Variants in MGAT4C observed in about 807,000 individuals in gnomAD.
The protein encoded by MGAT4C is MGAT4 family member C, also known as alpha-1,3-mannosyl-glycoprotein 4-beta-N-acetylglucosaminyltransferase C.
Under a neutral mutation model 40.1 loss-of-function variants are expected in MGAT4C, and 19 were observed. The ratio of observed to expected loss-of-function variants is 0.47; its 90% CI spans 0.33 to 0.70. MGAT4C has a LOEUF of 0.70. Ranked by LOEUF, MGAT4C falls within the 30% of genes least tolerant of loss-of-function variation. MGAT4C has a pLI of 0.02. For missense variants in MGAT4C, 491 were observed against 563.2 expected (o/e 0.87, Z 1.30); for synonymous variants, 181 against 187.1 (o/e 0.97, Z 0.27).
Position 86,738,173 on chromosome 12 carries a change from T to C in MGAT4C, c.-261-10932A>G, listed in dbSNP as rs563375831. 1.1e-3 allele frequency among the ~76,000 whole-genome samples: 171 copies of C among 151,610 alleles called. 1 individual carries two copies. The highest frequency in any genetic ancestry group is 4.0e-3 in the African/African-American group (166 of 41,502). Reference sequence around the variant, plus strand: ...TACTCCGCCTTTATAATTTCAAAACTGCATTAAGGTCACACACCACCTGAA... The same window carrying C: ...TACTCCGCCTTTATAATTTCAAAACCGCATTAAGGTCACACACCACCTGAA... On this transcript the variant is annotated intron_variant, in intron 1 of 7. Coordinates refer to the MGAT4C transcript ENST00000548651.
At chr12:86,230,341 T>TAC in intron 1 of MGAT4C, among the ~76,000 whole-genome samples, 1 of 152,264 alleles carries the variant, frequency 6.6e-6, no homozygotes, top group Non-Finnish European at 1.5e-5. Flanking sequence ...TGAACAGCCC[T>TAC]ACACTCTATA....
chr12:86,205,702 A>G (rs1186427274), intron 1 of MGAT4C, among the ~76,000 whole-genome samples: 2 of 151,998 alleles, frequency 1.3e-5, no homozygotes, highest in African/African-American at 2.4e-5. Context: ...TGTGTACTTT[A>G]CCTAATTTAT....
At chr12:86,155,179 T>C (rs73177211) in intron 1 of MGAT4C, among the ~76,000 whole-genome samples, 2,149 of 152,308 alleles carry the variant, frequency 0.014, 29 homozygotes, top group South Asian at 0.025. Context: ...AATATCAATG[T>C]GGCTGTAGTA....
At chr12:86,226,159 A>C (rs115961953) in intron 1 of MGAT4C, among the ~76,000 whole-genome samples, 3,213 of 152,014 alleles carry the variant, frequency 0.021, 95 homozygotes, top group African/African-American at 0.073. Context: ...AAAGAAAAGA[A>C]GTATATGCGC....
At chr12:86,124,362 G>A (rs1879915874) in intron 1 of MGAT4C, among the ~76,000 whole-genome samples, 1 of 152,106 alleles carries the variant, frequency 6.6e-6, no homozygotes, top group African/African-American at 2.4e-5. Flanking sequence ...GTGCAGAACA[G>A]AACAAGAAAA....
At chr12:86,639,357 T>A (rs1223794835) in intron 2 of MGAT4C, among the ~76,000 whole-genome samples, 1 of 151,754 alleles carries the variant, frequency 6.6e-6, no homozygotes, top group Non-Finnish European at 1.5e-5. Context: ...AAGTAGTCTA[T>A]CAATAAGAGA....
chr12:86,619,772 C>A (rs1234055811), intron 2 of MGAT4C, among the ~76,000 whole-genome samples: 1 of 151,964 alleles, frequency 6.6e-6, no homozygotes, highest in Admixed American at 6.6e-5. Context: ...AATAAAACAT[C>A]AACATTATAG....
intron 1 of MGAT4C, among the ~76,000 whole-genome samples, chr12:86,234,933 C>T (rs1369222268): frequency 1.3e-5 from 2 of 151,998 alleles, no homozygotes; most frequent in Non-Finnish European, 2.9e-5. Flanking sequence ...TGTTTAAATT[C>T]TTATTACGTC....
At chr12:86,785,979 C>T (rs933711115) in intron 1 of MGAT4C, among the ~76,000 whole-genome samples, 1 of 151,916 alleles carries the variant, frequency 6.6e-6, no homozygotes. Flanking sequence ...CAAAAATTCC[C>T]CAAATGTGAC....
chr12:85,989,606 C>A, intron 2 of MGAT4C, 54 bp from the exon 3 acceptor site: 1 of 1,472,004 alleles, frequency 6.8e-7, no homozygotes, highest in South Asian at 1.3e-5. Flanking sequence ...GCAAATATTT[C>A]TTTATCGCAT....
At chr12:86,553,726 A>G (rs1959473902) in intron 2 of MGAT4C, among the ~76,000 whole-genome samples, 1 of 152,208 alleles carries the variant, frequency 6.6e-6, no homozygotes, top group South Asian at 2.1e-4. Context: ...ATACAGTGAC[A>G]TAAAGCTAGC....
intron 2 of MGAT4C, among the ~76,000 whole-genome samples, chr12:86,538,623 T>G (rs1021942038): frequency 6.6e-6 from 1 of 151,458 alleles, no homozygotes; most frequent in Non-Finnish European, 1.5e-5. Context: ...TTTTTTTTTT[T>G]TGAGACAAGA....
intron 1 of MGAT4C, among the ~76,000 whole-genome samples, chr12:86,835,969 T>A (rs1178699207): frequency 6.6e-6 from 1 of 151,986 alleles, no homozygotes; most frequent in Non-Finnish European, 1.5e-5. Context: ...ATGTACCATT[T>A]ATTGAGCATA....
At chr12:86,477,453 C>T (rs1265524965) in intron 2 of MGAT4C, among the ~76,000 whole-genome samples, 1 of 151,904 alleles carries the variant, frequency 6.6e-6, no homozygotes, top group African/African-American at 2.4e-5. Flanking sequence ...GAAAAGCTAC[C>T]TACTGGGTGA....
At chr12:86,598,171 C>G (rs535715178) in intron 2 of MGAT4C, among the ~76,000 whole-genome samples, 9 of 152,022 alleles carry the variant, frequency 5.9e-5, no homozygotes, top group Admixed American at 4.6e-4. Context: ...TATACATGTT[C>G]GTAGAAAACT....
At chr12:86,599,327 CATT>C (rs1264880305) in intron 2 of MGAT4C, among the ~76,000 whole-genome samples, 3 of 152,096 alleles carry the variant, frequency 2.0e-5, no homozygotes, top group African/African-American at 7.2e-5. Context: ...AAATTCCAAT[CATT>C]ATTATCATTT....
At chr12:86,092,937 T>C (rs1194970759) in intron 1 of MGAT4C, among the ~76,000 whole-genome samples, 3 of 152,084 alleles carry the variant, frequency 2.0e-5, no homozygotes, top group Non-Finnish European at 4.4e-5. Context: ...ACATGTGCCA[T>C]GGTGGTTTGC....
chr12:86,606,051 G>C (rs957876731), intron 2 of MGAT4C, among the ~76,000 whole-genome samples: 1 of 152,086 alleles, frequency 6.6e-6, no homozygotes, highest in Non-Finnish European at 1.5e-5. Flanking sequence ...GCAGGAAGGA[G>C]AAGTGCTAAG....
chr12:86,067,598 C>T (rs1046415961), intron 1 of MGAT4C, among the ~76,000 whole-genome samples: 5 of 151,952 alleles, frequency 3.3e-5, no homozygotes, highest in Admixed American at 2.6e-4. Context: ...AGGAGAAATA[C>T]CTAATGTAGA....
Sources: allele counts gnomAD v4.1 joint callset (sites outside exome capture counted in the v4.1 genomes callset), GRCh38; gene constraint gnomAD v4.1.1; transcripts MANE v1.5; gene names NCBI Gene and HGNC (gene_info 2026-07-23, HGNC 2026-07-21).